Variants in AFF1 observed in about 807,000 individuals in gnomAD.
The protein encoded by AFF1 is AF4/FMR2 family member 1.
A neutral mutation model predicts 121.7 loss-of-function variants in AFF1; 48 were observed. The observed-to-expected ratio is 0.39, with a 90% CI of 0.31 to 0.50. The LOEUF is 0.50. Among genes scored for constraint, AFF1 ranks in the 20% least tolerant of loss-of-function variants. The probability of loss-of-function intolerance (pLI) is 0.76; values close to 1 mark genes in which losing one functional copy is unlikely to be tolerated. For synonymous variants in AFF1, 613 were observed against 563.0 expected, an observed-to-expected ratio of 1.09 and a Z score of -1.26; for missense variants, 1,523 against 1,511.7, an observed-to-expected ratio of 1.01 and a Z score of -0.12.
Position 87,126,349 on chromosome 4 carries a change from G to A in AFF1, c.2811+13G>A, listed in dbSNP as rs1165233117. 5 of 1,610,150 alleles carry A rather than the reference G, an allele frequency of 3.1e-6. No homozygotes were observed. Among genetic ancestry groups the A allele is most frequent in the East Asian group, 2.2e-5 (1 of 44,864 alleles). On this transcript the variant is annotated intron_variant, in intron 14 of 20. Coordinates refer to ENST00000395146, the MANE Select transcript of AFF1 (RefSeq NM_001166693.3). ...CTCGGAGCACAAGGTGAGCAGGGGC[G>A]GCGGTCACTCTGTAAGATGGGATGC...
chr4:87,091,683 T>G (rs1724327397), intron 6 of AFF1, 110 bp from the exon 7 acceptor site: 3 of 717,678 alleles, frequency 4.2e-6, no homozygotes, highest in Non-Finnish European at 6.9e-6. Flanking sequence ...TTTCTAGATA[T>G]TTGAAAGTTT....
intron 2 of AFF1, among the ~76,000 whole-genome samples, chr4:86,976,399 G>T (rs1039301519): frequency 9.9e-5 from 15 of 152,120 alleles, no homozygotes; most frequent in African/African-American, 2.7e-4. Context: ...ACTAGATAAA[G>T]AAAATGTGGT....
At chr4:87,079,721 T>C (rs1375956187) in intron 4 of AFF1, among the ~76,000 whole-genome samples, 1 of 152,216 alleles carries the variant, frequency 6.6e-6, no homozygotes, top group Non-Finnish European at 1.5e-5. Flanking sequence ...TCGTTTTATT[T>C]TTAAAATTAT....
chr4:86,961,661 C>CAA (rs3839151), intron 2 of AFF1, among the ~76,000 whole-genome samples: 127 of 144,740 alleles, frequency 8.8e-4, no homozygotes, highest in South Asian at 1.5e-3. Flanking sequence ...ATTAGTTACC[C>CAA]AAAAAAAAAA....
At chr4:87,058,760 C>T (rs1003863628) in intron 4 of AFF1, among the ~76,000 whole-genome samples, 1 of 152,180 alleles carries the variant, frequency 6.6e-6, no homozygotes, top group African/African-American at 2.4e-5. Context: ...ACAGCAAAAG[C>T]TCTGGAGACA....
chr4:87,138,090 A>G lies in AFF1; in HGVS notation c.*2389A>G, dbSNP rs342460. The G allele has an allele frequency of 0.19, 43,722 of 230,804 alleles. 4,421 individuals carry two copies. The highest frequency in any genetic ancestry group is 0.34 in the Middle Eastern group (262 of 774). 14.3% of individuals were successfully genotyped at this position (230,804 alleles called of 1,614,324 possible). A position where few individuals can be genotyped will look rare whatever the true frequency, so the allele number is the denominator to read the frequency against. The stretch of plus-strand genomic sequence containing the variant: ...TATTTGTCCCTTGAAAAAGTAACAA[A>G]TGTGCATAGATCAATTTGTACTACT... On this transcript the variant is annotated 3_prime_UTR_variant, in exon 21 of 21. Transcript: ENST00000395146.
chr4:87,041,669 A>G (rs1730168728), intron 2 of AFF1, among the ~76,000 whole-genome samples: 2 of 152,220 alleles, frequency 1.3e-5, no homozygotes, highest in East Asian at 3.9e-4. Context: ...AGGACTGGAA[A>G]AAAAAAAAGA....
At chr4:86,940,022 A>G (rs988142766) in intron 1 of AFF1, among the ~76,000 whole-genome samples, 2 of 152,194 alleles carry the variant, frequency 1.3e-5, no homozygotes, top group Non-Finnish European at 2.9e-5. Context: ...ACTTTTTTCA[A>G]GAACTATGAA....
chr4:87,129,575 A>G (rs1728610673), intron 16 of AFF1, among the ~76,000 whole-genome samples: 1 of 152,188 alleles, frequency 6.6e-6, no homozygotes, highest in Non-Finnish European at 1.5e-5. Flanking sequence ...AGTGAAGCAA[A>G]CCGGTCATGC....
At chr4:87,105,315 G>T (rs1046146137) in intron 8 of AFF1, among the ~76,000 whole-genome samples, 1 of 152,198 alleles carries the variant, frequency 6.6e-6, no homozygotes, top group Non-Finnish European at 1.5e-5. Flanking sequence ...CTCAGGGCTC[G>T]CAACGAATCC....
intron 14 of AFF1, 49 bp from the exon 15 acceptor site, chr4:87,126,977 T>C: frequency 6.7e-7 from 1 of 1,487,102 alleles, no homozygotes; most frequent in Non-Finnish European, 9.4e-7. Context: ...TTTAGGACAG[T>C]GGTCTTAAAT....
At chr4:87,112,956 C>T (rs1245251931) in intron 11 of AFF1, among the ~76,000 whole-genome samples, 1 of 152,188 alleles carries the variant, frequency 6.6e-6, no homozygotes, top group Non-Finnish European at 1.5e-5. Flanking sequence ...ATATGAAATT[C>T]ATGGGTATAG....
chr4:87,135,097 G>A (rs771853826), intron 20 of AFF1, among the ~76,000 whole-genome samples: 13 of 152,296 alleles, frequency 8.5e-5, no homozygotes, highest in East Asian at 1.9e-4. Context: ...TTTGTTTTTA[G>A]TATATGTTAA....
At chr4:87,127,160 TTTG>T (rs1396769357) in intron 15 of AFF1, 43 bp downstream of exon 15, 147 of 1,472,460 alleles carry the variant, frequency 1.0e-4, no homozygotes, top group Middle Eastern at 1.7e-4. Context: ...TTTGTTTTGT[TTTG>T]CTTCCCCCCC....
chr4:86,947,738 A>G (rs901478322), intron 1 of AFF1, among the ~76,000 whole-genome samples: 2 of 152,172 alleles, frequency 1.3e-5, no homozygotes, highest in African/African-American at 2.4e-5. Context: ...CTATCTGCCC[A>G]GATTGGATAA....
intron 2 of AFF1, among the ~76,000 whole-genome samples, chr4:87,039,219 C>T (rs529535433): frequency 6.6e-6 from 1 of 152,306 alleles, no homozygotes; most frequent in East Asian, 1.9e-4. Context: ...AAAAAGGAAT[C>T]ACTCTCACTA....
At chr4:87,055,082 G>A (rs404590) in intron 4 of AFF1, among the ~76,000 whole-genome samples, 150,986 of 152,300 alleles carry the variant, frequency 0.99, 74,845 homozygotes, top group East Asian at 1. Flanking sequence ...GGTCCAAGCA[G>A]TGCCCACTTT....
intron 16 of AFF1, among the ~76,000 whole-genome samples, chr4:87,130,301 A>C (rs1011269550): frequency 6.6e-6 from 1 of 152,202 alleles, no homozygotes; most frequent in Non-Finnish European, 1.5e-5. Flanking sequence ...TTTTGAACAT[A>C]TCAAATACAA....
Position 87,114,860 on chromosome 4 carries a change from A to C in AFF1, c.2027A>C (p.Lys676Thr), listed in dbSNP as rs1212852444. The change falls in exon 12 of 21, where the codon AAG becomes ACG. Residue 676 changes from lysine (K) to threonine (T), a missense_variant. Physicochemically the swap from Lys to Thr is moderately conservative, Grantham distance 78. Around this residue, in one of 5 missense-constraint regions of AFF1, gnomAD observed 905 missense variants for 842.5 expected, o/e 1.07. Transcript: ENST00000395146. ...CCAGCAGTGCCCCCCTCCAGTGAGA[A>C]GAAGAAGCACAAGAGCTCCCTCCCT... is the stretch of plus-strand genomic sequence containing the variant. ...PKPAVPPSSEKKKHKSSLPAP... is the reference protein window; with the variant it reads ...PKPAVPPSSETKKHKSSLPAP... The C allele has an allele frequency of 6.2e-7, 1 of 1,613,858 alleles. No individual in the cohort carries two copies. Among genetic ancestry groups the C allele is most frequent in the African/African-American group, 1.3e-5 (1 of 74,894 alleles).
Sources: gnomAD v4.1 joint callset for allele counts (sites outside exome capture counted in the v4.1 genomes callset) on GRCh38, gnomAD v4.1.1 for gene constraint, gnomAD v4.1.1 regional missense constraint, MANE v1.5 for transcripts, NCBI Gene and HGNC (gene_info 2026-07-23, HGNC 2026-07-21) for gene names.